The following MAML3 variants were observed in gnomAD, a reference collection of about 807,000 sequenced individuals.
The protein encoded by MAML3 is mastermind like transcriptional coactivator 3.
In MAML3, 27 loss-of-function variants were observed where a neutral mutation model predicts 101.9. The observed-to-expected ratio is 0.27, with a 90% CI of 0.20 to 0.37. The LOEUF (loss-of-function observed/expected upper bound fraction) is 0.37, where lower values mean the gene tolerates loss of function less well. Ranked by LOEUF, MAML3 falls within the 10% of genes least tolerant of loss-of-function variation. The pLI is 1.00. For synonymous variants in MAML3, 501 were observed against 555.9 expected (o/e 0.90, Z 1.39); for missense variants, 1,316 against 1,444.9 (o/e 0.91, Z 1.45).
chr4:140,144,810 C>CATGTCTCTCTCCTCTGAT (rs1729029958), intron 1 of MAML3, among the ~76,000 whole-genome samples: 1 of 152,220 alleles, frequency 6.6e-6, no homozygotes, highest in South Asian at 2.1e-4. Context: ...CCTGCTCTCA[C>CATGTCTCTCTCCTCTGAT]ATGTCTCTCT....
At chr4:139,828,386 G>C (rs758531962) in intron 2 of MAML3, among the ~76,000 whole-genome samples, 2 of 152,220 alleles carry the variant, frequency 1.3e-5, no homozygotes, top group Admixed American at 1.3e-4. Context: ...TAATAGGACA[G>C]GGTGTTCTTG....
At chr4:139,852,405 T>TTTTTTTTTTGTTGTTGTTG (rs1731574523) in intron 2 of MAML3, among the ~76,000 whole-genome samples, 1 of 72,326 alleles carries the variant, frequency 1.4e-5, no homozygotes, top group African/African-American at 5.6e-5. Context: ...AGAAGACTGT[T>TTTTTTTTTTGTTGTTGTTG]TTTTTTTTTT....
At chr4:140,019,738 C>A (rs985683083) in intron 1 of MAML3, among the ~76,000 whole-genome samples, 1 of 152,212 alleles carries the variant, frequency 6.6e-6, no homozygotes, top group East Asian at 1.9e-4. Context: ...TTCACAAAGA[C>A]TGCAAGGTCC....
At chr4:139,796,794 A>C (rs1044360676) in intron 2 of MAML3, among the ~76,000 whole-genome samples, 1 of 152,224 alleles carries the variant, frequency 6.6e-6, no homozygotes, top group African/African-American at 2.4e-5. Flanking sequence ...CGCAAATCAA[A>C]AGAGAAATGA....
At chr4:139,900,981 T>G (rs1224369158) in intron 1 of MAML3, among the ~76,000 whole-genome samples, 1 of 152,220 alleles carries the variant, frequency 6.6e-6, no homozygotes. Context: ...CCTACTCAGT[T>G]ATGCCTGCCT....
At chr4:139,882,895 A>G (rs1560823413) in intron 2 of MAML3, among the ~76,000 whole-genome samples, 1 of 152,162 alleles carries the variant, frequency 6.6e-6, no homozygotes, top group Non-Finnish European at 1.5e-5. Flanking sequence ...AACAAAACCT[A>G]TAATTCTACA....
At chr4:140,062,242 A>G (rs1381011418) in intron 1 of MAML3, among the ~76,000 whole-genome samples, 6 of 152,220 alleles carry the variant, frequency 3.9e-5, no homozygotes, top group Non-Finnish European at 8.8e-5. Context: ...AGCAGAGAAC[A>G]TGAACAAAAT....
At chr4:139,842,159 C>T (rs1399673756) in intron 2 of MAML3, among the ~76,000 whole-genome samples, 1 of 152,194 alleles carries the variant, frequency 6.6e-6, no homozygotes, top group African/African-American at 2.4e-5. Context: ...GTGATGCTTT[C>T]AGAGCCCACA....
chr4:139,926,301 G>T (rs1578600270), intron 1 of MAML3, among the ~76,000 whole-genome samples: 1 of 152,142 alleles, frequency 6.6e-6, no homozygotes, highest in Admixed American at 6.6e-5. Flanking sequence ...TTTGGTTAAA[G>T]AAATGCCTAC....
chr4:140,074,193 AAGAAAG>A (rs1402857836), intron 1 of MAML3, among the ~76,000 whole-genome samples: 7 of 91,848 alleles, frequency 7.6e-5, no homozygotes, highest in African/African-American at 2.1e-4. Context: ...GAGAGAGAGA[AAGAAAG>A]AGAAAGAAAG....
At chr4:139,857,318 G>A (rs946599798) in intron 2 of MAML3, among the ~76,000 whole-genome samples, 4 of 152,200 alleles carry the variant, frequency 2.6e-5, no homozygotes, top group Admixed American at 6.5e-5. Flanking sequence ...CCAAGAGACA[G>A]AGGATGAGAG....
At chr4:140,149,939 CTTT>C (rs3051828) in intron 1 of MAML3, among the ~76,000 whole-genome samples, 20 of 129,852 alleles carry the variant, frequency 1.5e-4, no homozygotes, top group Middle Eastern at 4.2e-3. Context: ...ATGTTTCTTT[CTTT>C]TTTTTTTTTT....
intron 1 of MAML3, among the ~76,000 whole-genome samples, chr4:140,135,433 G>T (rs567395893): frequency 6.6e-6 from 1 of 152,220 alleles, no homozygotes; most frequent in Non-Finnish European, 1.5e-5. Context: ...TGGCATCCTT[G>T]GAGGAAACTG....
intron 1 of MAML3, among the ~76,000 whole-genome samples, chr4:140,049,681 T>A (rs553929754): frequency 7.3e-4 from 110 of 151,650 alleles, no homozygotes; most frequent in African/African-American, 9.9e-4. Context: ...CCTTTTTTTT[T>A]AAAAGGACAG....
At chr4:140,130,061 G>T (rs1728765651) in intron 1 of MAML3, among the ~76,000 whole-genome samples, 1 of 152,070 alleles carries the variant, frequency 6.6e-6, no homozygotes, top group Admixed American at 6.5e-5. Flanking sequence ...ATAAATCTAG[G>T]TGTTAGCAGA....
intron 1 of MAML3, among the ~76,000 whole-genome samples, chr4:140,130,607 G>C (rs796414605): frequency 2.0e-5 from 3 of 152,264 alleles, no homozygotes; most frequent in African/African-American, 7.2e-5. Context: ...CATTTTTAAA[G>C]TATGCCTTGG....
intron 2 of MAML3, among the ~76,000 whole-genome samples, chr4:139,862,022 A>T (rs2111166320): frequency 6.6e-6 from 1 of 152,236 alleles, no homozygotes; most frequent in South Asian, 2.1e-4. Flanking sequence ...CAGCATGAGT[A>T]ACATGGTGAA....
At chr4:139,881,372 C>T (rs1732215072) in intron 2 of MAML3, among the ~76,000 whole-genome samples, 1 of 152,130 alleles carries the variant, frequency 6.6e-6, no homozygotes, top group Non-Finnish European at 1.5e-5. Context: ...CATTTCTTAC[C>T]TCCCTACCCT....
At chr4:140,049,926 C>G (rs1314112041) in intron 1 of MAML3, among the ~76,000 whole-genome samples, 2 of 151,866 alleles carry the variant, frequency 1.3e-5, no homozygotes, top group Non-Finnish European at 1.5e-5. Context: ...ATTTCTAAAT[C>G]TTAAAATCCA....
Sources: allele counts gnomAD v4.1 joint callset (sites outside exome capture counted in the v4.1 genomes callset), GRCh38; gene constraint gnomAD v4.1.1; transcripts MANE v1.5; gene names NCBI Gene and HGNC (gene_info 2026-07-23, HGNC 2026-07-21).